Variants in C1orf198 observed in about 807,000 individuals in gnomAD.
C1orf198 encodes uncharacterized protein C1orf198.
In C1orf198, 17 loss-of-function variants were observed where a neutral mutation model predicts 31.4. The ratio of observed to expected loss-of-function variants is 0.54; its 90% CI spans 0.37 to 0.81. C1orf198 has a LOEUF of 0.81. C1orf198 is among the 40% of genes least tolerant of loss of function. The probability of loss-of-function intolerance (pLI) is 0.00; values close to 1 mark genes in which losing one functional copy is unlikely to be tolerated. For synonymous variants in C1orf198, 175 were observed against 193.8 expected, an observed-to-expected ratio of 0.90 and a Z score of 0.81; for missense variants, 401 against 450.3, an observed-to-expected ratio of 0.89 and a Z score of 0.99.
In C1orf198 at chr1:230,857,461, A is replaced by G. The variant is rs1270362354; in HGVS notation, c.334-1743T>C. 6.6e-6 allele frequency among the ~76,000 whole-genome samples: 1 copy of G among 152,260 alleles called. No individual in the cohort carries two copies. The highest frequency in any genetic ancestry group is 1.5e-5 in the Non-Finnish European group (1 of 68,006). On this transcript the variant is annotated intron_variant, in intron 1 of 3. Coordinates refer to ENST00000366663, the MANE Select transcript of C1orf198 (RefSeq NM_032800.3). This position sits in a 1 kb window ranked among gnomAD's most constrained non-coding sequence, Gnocchi z 4.2. ...ACTCACACTCCCCCAAGACTTCCCA[A>G]TGTGGGGGCACAGGCTCTTCACAGC... is the stretch of plus-strand genomic sequence containing the variant.
At chr1:230,845,216 T>TAAAAAAAAAAAAAAAAAAAAAA (rs11355270) in intron 2 of C1orf198, among the ~76,000 whole-genome samples, 1 of 117,084 alleles carries the variant, frequency 8.5e-6, no homozygotes, top group East Asian at 2.8e-4. Context: ...TTAAAAAAAT[T>TAAAAAAAAAAAAAAAAAAAAAA]AAAAAAAAAA....
At chr1:230,860,410 T>C (rs1398146292) in intron 1 of C1orf198, among the ~76,000 whole-genome samples, 4 of 152,222 alleles carry the variant, frequency 2.6e-5, no homozygotes, top group Admixed American at 1.3e-4. Context: ...TATACCCCGA[T>C]GTTTATAGCT....
rs1381586418 is a variant in C1orf198 at position 230,838,579 on chromosome 1, C to T, written c.*1273G>A. 1 of 152,190 alleles carries T rather than the reference C, an allele frequency of 6.6e-6. No homozygotes were observed. Among genetic ancestry groups the T allele is most frequent in the African/African-American group, 2.4e-5 (1 of 41,276 alleles). The allele number at this position is 152,190 out of a possible 1,614,324, so 9.4% of individuals were successfully genotyped here. A position where few individuals can be genotyped will look rare whatever the true frequency, so the allele number is the denominator to read the frequency against. On this transcript the variant is annotated 3_prime_UTR_variant, in exon 4 of 4. Coordinates refer to ENST00000366663, the MANE Select transcript of C1orf198 (RefSeq NM_032800.3). This position sits in a 1 kb window ranked among gnomAD's most constrained non-coding sequence, Gnocchi z 4.2. Reference sequence around the variant, plus strand: ...AAACCGAGCGCTCACTGGCAGGTGTCGCAAAGATTAAGGCTTCAGGTGAGA... The same window carrying T: ...AAACCGAGCGCTCACTGGCAGGTGTTGCAAAGATTAAGGCTTCAGGTGAGA...
At chr1:230,849,792 A>C (rs1231395205) in intron 2 of C1orf198, among the ~76,000 whole-genome samples, 1 of 152,230 alleles carries the variant, frequency 6.6e-6, no homozygotes, top group Non-Finnish European at 1.5e-5. Flanking sequence ...TACTGGAGCA[A>C]ATCCTAATAC....
Position 230,839,834 on chromosome 1 carries a change from G to A in C1orf198, c.*18C>T, listed in dbSNP as rs746136611. The A allele has an allele frequency of 6.2e-7, 1 of 1,606,222 alleles. No individual in the cohort carries two copies. The highest frequency in any genetic ancestry group is 1.7e-5 in the Admixed American group (1 of 59,048). On this transcript the variant is annotated 3_prime_UTR_variant, in exon 4 of 4. Transcript: ENST00000366663. Reference sequence around the variant, plus strand: ...GGAAAACATTTTAGGGTTCTTCATTGTATTTTTCTAATACATTTTACCAAT... The same window carrying A: ...GGAAAACATTTTAGGGTTCTTCATTATATTTTTCTAATACATTTTACCAAT...
intron 1 of C1orf198, among the ~76,000 whole-genome samples, chr1:230,865,127 G>A (rs1322495570): frequency 6.6e-6 from 1 of 152,186 alleles, no homozygotes. Context: ...CCAGACCAGC[G>A]AGTTGGAAAG....
chr1:230,853,323 T>G (rs1429142829), intron 2 of C1orf198, among the ~76,000 whole-genome samples: 3 of 152,102 alleles, frequency 2.0e-5, no homozygotes. Context: ...GTCCTGCAAT[T>G]GGAGATTAGG....
chr1:230,855,780 C>T (rs940964601), intron 1 of C1orf198, 62 bp from the exon 2 acceptor site: 3 of 1,580,598 alleles, frequency 1.9e-6, no homozygotes, highest in East Asian at 2.3e-5. Flanking sequence ...ATGCAAATAT[C>T]CACCCAGGAC....
chr1:230,864,629 C>T (rs1670075330), intron 1 of C1orf198, among the ~76,000 whole-genome samples: 3 of 152,142 alleles, frequency 2.0e-5, no homozygotes, highest in South Asian at 2.1e-4. Flanking sequence ...GATATTGAAA[C>T]ACCCTTCTTG....
chr1:230,851,955 C>A (rs985166432), intron 2 of C1orf198, among the ~76,000 whole-genome samples: 2 of 152,158 alleles, frequency 1.3e-5, no homozygotes, highest in African/African-American at 4.8e-5. Flanking sequence ...GGTGAGAAAC[C>A]AAAAATCCCT....
At position 230,857,086 on chromosome 1, in the gene C1orf198, C is replaced by T. The variant is rs1396762835; in HGVS notation, c.334-1368G>A. ...GCCTTCCAGACCCCGAGTGTGCGTT[C>T]TCTGTGCAGACGCCTCCTAACATGA... On this transcript the variant is annotated intron_variant, in intron 1 of 3. Transcript: ENST00000366663. This position sits in a 1 kb window ranked among gnomAD's most constrained non-coding sequence, Gnocchi z 4.2. 6.6e-6 allele frequency among the ~76,000 whole-genome samples: 1 copy of T among 152,210 alleles called. No individual in the cohort carries two copies. Among genetic ancestry groups the T allele is most frequent in the Non-Finnish European group, 1.5e-5 (1 of 68,034 alleles).
chr1:230,843,740 G>T lies in C1orf198; in HGVS notation c.541C>A (p.Pro181Thr), dbSNP rs1467750402. Residue 181 changes from proline to threonine, a missense_variant, in exon 3 of 4, where the codon CCC (proline) becomes ACC (threonine). Coordinates refer to ENST00000366663, the MANE Select transcript of C1orf198 (RefSeq NM_032800.3). The surrounding 1 kb of genome is among the most constrained non-coding windows in gnomAD (Gnocchi z 4.9). ...GACGCTTCCTCCTCCTTCCTGGTGG[G>T]GCCCAGGGCGTCCAGGCTGGAGGAC... Reference protein sequence around the residue: ...SRSSSLDALGPTRKEEEASFW... With the variant: ...SRSSSLDALGTTRKEEEASFW... The T allele has an allele frequency of 1.2e-6, 2 of 1,614,092 alleles. No individual in the cohort carries two copies. The highest frequency in any genetic ancestry group is 1.7e-6 in the Non-Finnish European group (2 of 1,179,962).
chr1:230,865,132 G>A (rs1670090235), intron 1 of C1orf198, among the ~76,000 whole-genome samples: 1 of 152,182 alleles, frequency 6.6e-6, no homozygotes, highest in Non-Finnish European at 1.5e-5. Context: ...CCAGCGAGTT[G>A]GAAAGAAACT....
At position 230,852,297 on chromosome 1, in the gene C1orf198, T is replaced by G. The variant is rs1324863413; in HGVS notation, c.384+3371A>C. ...GCTCAACTCTGGGCCTGCAGCATAA[T>G]GTCTGACATAAACGGGGTATACAAT... On this transcript the variant is annotated intron_variant, in intron 2 of 3. Coordinates refer to ENST00000366663, the MANE Select transcript of C1orf198 (RefSeq NM_032800.3). Among the ~76,000 whole-genome samples the G allele has an allele frequency of 3.3e-5, 5 of 151,960 alleles. No homozygotes were observed. The East Asian group carries it at 9.7e-4, about 29-fold the overall frequency.
chr1:230,856,750 T>G (rs1472865658), intron 1 of C1orf198, among the ~76,000 whole-genome samples: 7 of 152,180 alleles, frequency 4.6e-5, no homozygotes, highest in Non-Finnish European at 8.8e-5. Flanking sequence ...TGATACAGGC[T>G]AAAATGGGAT....
chr1:230,851,787 G>A (rs181947479), intron 2 of C1orf198, among the ~76,000 whole-genome samples: 58 of 152,346 alleles, frequency 3.8e-4, no homozygotes, highest in African/African-American at 1.3e-3. Context: ...TGGGTGCACA[G>A]CTGCTACTGT....
intron 1 of C1orf198, among the ~76,000 whole-genome samples, chr1:230,862,747 A>T (rs1414164125): frequency 1.3e-5 from 2 of 152,194 alleles, no homozygotes; most frequent in African/African-American, 4.8e-5. Context: ...GAGAATTTTT[A>T]GGGCAGTGAA....
intron 1 of C1orf198, among the ~76,000 whole-genome samples, chr1:230,864,844 G>A (rs373757283): frequency 6.6e-6 from 1 of 152,252 alleles, no homozygotes; most frequent in Middle Eastern, 3.4e-3. Context: ...GAGCAGGGAG[G>A]AACACATTCC....
rs1447885944 is a variant in C1orf198 at position 230,838,896 on chromosome 1, T to C, written c.*956A>G. The stretch of plus-strand genomic sequence containing the variant: ...GGTCAGGGCTGGGGAAGGTCCGTCA[T>C]GACGCAACCTGGCTAGCCCTTGGGA... On this transcript the variant is annotated 3_prime_UTR_variant, in exon 4 of 4. Transcript: ENST00000366663. This position sits in a 1 kb window ranked among gnomAD's most constrained non-coding sequence, Gnocchi z 4.2. The C allele has an allele frequency of 6.6e-6, 1 of 152,436 alleles. No individual in the cohort carries two copies. Among genetic ancestry groups the C allele is most frequent in the Admixed American group, 6.5e-5 (1 of 15,278 alleles). 9.4% of individuals were successfully genotyped at this position (152,436 alleles called of 1,614,324 possible).
Sources: gnomAD v4.1 joint callset for allele counts (sites outside exome capture counted in the v4.1 genomes callset) on GRCh38, gnomAD v4.1.1 for gene constraint, Gnocchi (gnomAD v3.1) non-coding constraint, MANE v1.5 for transcripts, NCBI Gene and HGNC (gene_info 2026-07-23, HGNC 2026-07-21) for gene names.